LAMA2: variants seen among roughly 807,000 people sequenced by gnomAD.
LAMA2 encodes the protein laminin subunit alpha-2.
In LAMA2, 269 loss-of-function variants were observed where a neutral mutation model predicts 364.8. That is an observed-to-expected ratio of 0.74 (90% CI 0.67 to 0.82). LAMA2 has a LOEUF of 0.82. Ranked by LOEUF, LAMA2 falls within the 40% of genes least tolerant of loss-of-function variation. The probability of loss-of-function intolerance (pLI) is 0.00; values close to 1 mark genes in which losing one functional copy is unlikely to be tolerated. For synonymous variants in LAMA2, 1,379 were observed against 1,370.6 expected, an observed-to-expected ratio of 1.01 and a Z score of -0.14; for missense variants, 3,807 against 3,873.2, an observed-to-expected ratio of 0.98 and a Z score of 0.45.
chr6:129,169,815 T>C (rs1358079452), intron 9 of LAMA2, among the ~76,000 whole-genome samples: 3 of 143,682 alleles, frequency 2.1e-5, no homozygotes, highest in African/African-American at 8.1e-5. Context: ...GTTGGTAAGC[T>C]ATTGATTATT....
chr6:129,333,663 C>T (rs1271205938), intron 29 of LAMA2, among the ~76,000 whole-genome samples: 1 of 152,050 alleles, frequency 6.6e-6, no homozygotes, highest in Admixed American at 6.6e-5. Flanking sequence ...CAACTGCTTG[C>T]CTGACAAATT....
intron 35 of LAMA2, among the ~76,000 whole-genome samples, chr6:129,383,608 C>A (rs1174649358): frequency 6.6e-6 from 1 of 152,130 alleles, no homozygotes; most frequent in Non-Finnish European, 1.5e-5. Flanking sequence ...ATTAAAGCAG[C>A]ACTTTAGTTT....
intron 64 of LAMA2, 123 bp downstream of exon 64, chr6:129,514,718 TCTG>T (rs1786897398): frequency 1.2e-6 from 1 of 828,956 alleles, no homozygotes; most frequent in South Asian, 1.5e-5. Flanking sequence ...AGCTTTAGAA[TCTG>T]CTTAGAATCT....
intron 1 of LAMA2, among the ~76,000 whole-genome samples, chr6:128,930,803 T>C (rs1779424930): frequency 2.0e-5 from 3 of 152,356 alleles, no homozygotes; most frequent in South Asian, 4.1e-4. Flanking sequence ...TGAAAATCTT[T>C]GAATATTTCC....
intron 40 of LAMA2, among the ~76,000 whole-genome samples, chr6:129,425,460 G>T (rs377554081): frequency 6.6e-6 from 1 of 151,646 alleles, no homozygotes; most frequent in Admixed American, 6.6e-5. Flanking sequence ...TAGGTTCAAA[G>T]GTACATGTGC....
In LAMA2 at chr6:129,416,135, G is replaced by A. The variant is rs897441680; in HGVS notation, c.5866-11617G>A. Among the ~76,000 whole-genome samples, 9 of 99,402 alleles carry A rather than the reference G, an allele frequency of 9.1e-5. 3 individuals carry two copies. The highest frequency in any genetic ancestry group is 1.9e-4 in the African/African-American group (4 of 21,388). The allele number at this position is 99,402 out of a possible 152,430, so 65.2% of individuals were successfully genotyped here. The stretch of plus-strand genomic sequence containing the variant: ...GGCTAATTTTTTTGTATTTTTAGTA[G>A]AGACGGGGTTTCACCGTTTTAGCCG... On this transcript the variant is annotated intron_variant, in intron 40 of 64. Transcript: ENST00000421865.
chr6:129,133,476 G>A (rs1438666892), intron 4 of LAMA2, among the ~76,000 whole-genome samples: 1 of 152,132 alleles, frequency 6.6e-6, no homozygotes, highest in African/African-American at 2.4e-5. Flanking sequence ...GCAAAAGAAG[G>A]GAACATTCAG....
chr6:129,487,290 A>G (rs1209433666), intron 56 of LAMA2, among the ~76,000 whole-genome samples: 1 of 152,200 alleles, frequency 6.6e-6, no homozygotes, highest in Non-Finnish European at 1.5e-5. Flanking sequence ...CAAACTGATG[A>G]CTTTCTTTAG....
chr6:129,492,462 G>T lies in LAMA2; in HGVS notation c.8223G>T (p.Thr2741=). Residue 2741 remains threonine, a synonymous_variant, in exon 58 of 65, where the codon ACG becomes ACT. Coordinates refer to ENST00000421865, the MANE Select transcript of LAMA2 (RefSeq NM_000426.4). The part of the protein sequence containing the change: ...PEPVPTPAFP[T]PTPVLTHGPC... Reference sequence around the variant, plus strand: ...CAGTTCCCACCCCAGCCTTTCCTACGCCCACCCCAGTTCTGACACATGTAA... The same window carrying T: ...CAGTTCCCACCCCAGCCTTTCCTACTCCCACCCCAGTTCTGACACATGTAA... 1 of 1,612,948 alleles carries T rather than the reference G, an allele frequency of 6.2e-7. No homozygotes were observed. Among genetic ancestry groups the T allele is most frequent in the South Asian group, 1.1e-5 (1 of 91,042 alleles).
intron 10 of LAMA2, among the ~76,000 whole-genome samples, chr6:129,186,955 A>T (rs1409801533): frequency 2.0e-5 from 3 of 151,820 alleles, no homozygotes; most frequent in East Asian, 3.9e-4. Context: ...TTCAGCTATG[A>T]GTTGATGAAC....
intron 12 of LAMA2, among the ~76,000 whole-genome samples, chr6:129,233,712 T>G (rs1026733675): frequency 6.6e-6 from 1 of 152,184 alleles, no homozygotes; most frequent in African/African-American, 2.4e-5. Flanking sequence ...TTCAAACCTG[T>G]GTTGTTCAGG....
chr6:129,342,740 A>G (rs1776339262), intron 30 of LAMA2, among the ~76,000 whole-genome samples: 1 of 152,158 alleles, frequency 6.6e-6, no homozygotes, highest in Non-Finnish European at 1.5e-5. Flanking sequence ...CAAATGATAT[A>G]TATATACAAA....
At chr6:129,214,783 A>C (rs1184875815) in intron 12 of LAMA2, among the ~76,000 whole-genome samples, 4 of 152,082 alleles carry the variant, frequency 2.6e-5, no homozygotes, top group Admixed American at 6.6e-5. Flanking sequence ...TCTCCATATA[A>C]ATTTTAGAAT....
chr6:129,149,229 C>T, intron 7 of LAMA2, 133 bp downstream of exon 7: 1 of 716,970 alleles, frequency 1.4e-6, no homozygotes, highest in Non-Finnish European at 2.5e-6. Flanking sequence ...ACTTCGAAGA[C>T]AACCCATATG....
At chr6:129,198,476 T>G (rs1781980455) in intron 12 of LAMA2, among the ~76,000 whole-genome samples, 1 of 152,102 alleles carries the variant, frequency 6.6e-6, no homozygotes, top group Admixed American at 6.6e-5. Flanking sequence ...CTGAAGCAGC[T>G]TATTCAAAAG....
intron 28 of LAMA2, among the ~76,000 whole-genome samples, chr6:129,324,304 C>T (rs553193356): frequency 3.9e-5 from 6 of 152,272 alleles, no homozygotes; most frequent in South Asian, 4.1e-4. Flanking sequence ...CAGATCCACC[C>T]TATGAAAAGC....
chr6:128,952,484 T>C (rs940761546), intron 1 of LAMA2, among the ~76,000 whole-genome samples: 1 of 152,154 alleles, frequency 6.6e-6, no homozygotes. Context: ...GGATCTAGTT[T>C]GTTAAGAAAC....
intron 4 of LAMA2, among the ~76,000 whole-genome samples, chr6:129,125,851 T>A (rs538722973): frequency 1.3e-5 from 2 of 152,180 alleles, no homozygotes; most frequent in Admixed American, 1.3e-4. Flanking sequence ...ACTAGCTTAA[T>A]TGAATTATTC....
At chr6:129,055,176 T>TTTATTATTATTTATTA (rs543816872) in intron 2 of LAMA2, among the ~76,000 whole-genome samples, 3,390 of 123,648 alleles carry the variant, frequency 0.027, 106 homozygotes, top group African/African-American at 0.091. Flanking sequence ...ATTATTATTA[T>TTTATTATTATTTATTA]TTATTATTAT....
Sources: gnomAD v4.1 joint callset for allele counts (sites outside exome capture counted in the v4.1 genomes callset) on GRCh38, gnomAD v4.1.1 for gene constraint, MANE v1.5 for transcripts, NCBI Gene and HGNC (gene_info 2026-07-23, HGNC 2026-07-21) for gene names.